RAPGEF5: variants seen among roughly 807,000 people sequenced by gnomAD.
RAPGEF5 encodes Rap guanine nucleotide exchange factor 5.
In RAPGEF5, 65 loss-of-function variants were observed where a neutral mutation model predicts 125.2. The ratio of observed to expected loss-of-function variants is 0.52; its 90% CI spans 0.43 to 0.64. RAPGEF5 has a LOEUF of 0.64. Among genes scored for constraint, RAPGEF5 ranks in the 30% least tolerant of loss-of-function variants. RAPGEF5 has a pLI of 0.00. For missense variants in RAPGEF5, 958 were observed against 1,048.1 expected, an observed-to-expected ratio of 0.91 and a Z score of 1.19; for synonymous variants, 391 against 385.9, an observed-to-expected ratio of 1.01 and a Z score of -0.16.
intron 7 of RAPGEF5, among the ~76,000 whole-genome samples, chr7:22,232,313 G>A (rs2057987): frequency 0.59 from 86,811 of 148,132 alleles, 25,594 homozygotes; most frequent in East Asian, 0.84. Context: ...TATTCTGTGT[G>A]CTTTTTTTTT....
chr7:22,125,803 G>C (rs17146285), intron 24 of RAPGEF5, 145 bp from the exon 25 acceptor site: 13 of 742,068 alleles, frequency 1.8e-5, no homozygotes, highest in Middle Eastern at 2.4e-4. Context: ...ATGTAGCTTT[G>C]ATTCTATGGA....
chr7:22,158,706 GC>G (rs11339629), intron 14 of RAPGEF5, among the ~76,000 whole-genome samples: 148,546 of 152,120 alleles, frequency 0.98, 72,536 homozygotes, highest in East Asian at 0.99. Context: ...CTTCACTGCA[GC>G]CTTGACCTCC....
chr7:22,138,190 C>T (rs1018607651), intron 21 of RAPGEF5, among the ~76,000 whole-genome samples: 6 of 152,156 alleles, frequency 3.9e-5, no homozygotes, highest in Non-Finnish European at 7.3e-5. Context: ...ACCTCAAACC[C>T]AACATGTCCG....
rs1273085310 is a variant in RAPGEF5, at chr7:22,237,436, T to C, written c.797-6517A>G. On this transcript the variant is annotated intron_variant, in intron 7 of 25. Transcript: ENST00000665637. ...GCTTGAGACTTATATTTGTTTTATC[T>C]GAGTTCTTTCCTCAGGAAACAACCT... Among the ~76,000 whole-genome samples the C allele has an allele frequency of 6.1e-5, 9 of 148,066 alleles. No individual in the cohort carries two copies. The East Asian group carries it at 1.8e-3, about 29-fold the overall frequency.
chr7:22,135,565 C>T (rs1783054778), intron 23 of RAPGEF5, among the ~76,000 whole-genome samples: 1 of 152,148 alleles, frequency 6.6e-6, no homozygotes, highest in Admixed American at 6.5e-5. Context: ...TACACTTCTC[C>T]ATCAACACTT....
rs980236969 is a variant in RAPGEF5, at chr7:22,121,124, A to G, written c.*1282T>C. The G allele has an allele frequency of 1.3e-5, 2 of 151,922 alleles. No homozygotes were observed. Among genetic ancestry groups the G allele is most frequent in the Admixed American group, 6.6e-5 (1 of 15,246 alleles). 9.4% of individuals were successfully genotyped at this position (151,922 alleles called of 1,614,324 possible). Reference sequence around the variant, plus strand: ...TTTTGTTCATGTGAAGGTTGAAAGAAATCCTCTAACCAGTCCTTGAAAATA... The same window carrying G: ...TTTTGTTCATGTGAAGGTTGAAAGAGATCCTCTAACCAGTCCTTGAAAATA... On this transcript the variant is annotated 3_prime_UTR_variant, in exon 26 of 26. Transcript: ENST00000665637.
intron 7 of RAPGEF5, among the ~76,000 whole-genome samples, chr7:22,256,747 T>C (rs752320408): frequency 6.6e-6 from 1 of 152,122 alleles, no homozygotes. Flanking sequence ...TTGGATTCCC[T>C]GGAAAAGGGA....
At chr7:22,156,949 G>A in intron 15 of RAPGEF5, 61 bp from the exon 16 acceptor site, 5 of 1,602,198 alleles carry the variant, frequency 3.1e-6, no homozygotes, top group Non-Finnish European at 4.3e-6. Flanking sequence ...GAAAACCATA[G>A]CTGTTTACAA....
At chr7:22,307,030 T>C (rs1295068323) in intron 5 of RAPGEF5, among the ~76,000 whole-genome samples, 1 of 152,226 alleles carries the variant, frequency 6.6e-6, no homozygotes, top group Non-Finnish European at 1.5e-5. Context: ...GCCTTGGCTA[T>C]TCCGGATCTT....
rs910096748 is a variant in RAPGEF5, at chr7:22,263,586, C to T, written c.796+3378G>A. On this transcript the variant is annotated intron_variant, in intron 7 of 25. Coordinates refer to ENST00000665637, the MANE Select transcript of RAPGEF5 (RefSeq NM_012294.5). The stretch of plus-strand genomic sequence containing the variant: ...CTCTACTAAAAATACAAAAATTAGC[C>T]GGGTGTGGTGGTACATGCCTGTATT... Among the ~76,000 whole-genome samples the T allele has an allele frequency of 7.3e-5, 11 of 151,568 alleles. No individual in the cohort carries two copies. The East Asian group carries it at 9.7e-4, about 13-fold the overall frequency.
intron 18 of RAPGEF5, among the ~76,000 whole-genome samples, chr7:22,147,442 A>T (rs1482304531): frequency 6.6e-6 from 1 of 152,254 alleles, no homozygotes; most frequent in Non-Finnish European, 1.5e-5. Context: ...ATAAAGACAG[A>T]CATGGCGTTT....
At chr7:22,190,351 A>G (rs935117249) in intron 11 of RAPGEF5, among the ~76,000 whole-genome samples, 2 of 152,108 alleles carry the variant, frequency 1.3e-5, no homozygotes, top group Non-Finnish European at 2.9e-5. Context: ...TGCGCCTTTC[A>G]CTACAAAGGA....
rs143971076 is a variant in RAPGEF5 at position 22,317,754 on chromosome 7, G to A, written c.282+233C>T. On this transcript the variant is annotated intron_variant, in intron 2 of 25. Coordinates refer to ENST00000665637, the MANE Select transcript of RAPGEF5 (RefSeq NM_012294.5). ...TTCATGTAAAGAACCTGGAAGATGG[G>A]AAAATAATTTTTTTCCCTAGTTCGT... is the stretch of plus-strand genomic sequence containing the variant. 3.3e-3 allele frequency among the ~76,000 whole-genome samples: 497 copies of A among 152,272 alleles called. 4 individuals carry two copies. The highest frequency in any genetic ancestry group is 0.012 in the African/African-American group (483 of 41,548).
intron 3 of RAPGEF5, among the ~76,000 whole-genome samples, chr7:22,313,476 A>C (rs909199409): frequency 4.6e-5 from 7 of 152,204 alleles, no homozygotes; most frequent in Non-Finnish European, 8.8e-5. Flanking sequence ...TAAACCCAGA[A>C]TATTAATGAG....
intron 7 of RAPGEF5, among the ~76,000 whole-genome samples, chr7:22,252,837 T>C (rs1786658526): frequency 2.0e-5 from 3 of 152,216 alleles, no homozygotes; most frequent in Admixed American, 1.3e-4. Context: ...ATTCCTGGGC[T>C]TTACCAGTGC....
chr7:22,156,975 C>T (rs926496736), intron 15 of RAPGEF5, 87 bp from the exon 16 acceptor site: 6 of 1,539,772 alleles, frequency 3.9e-6, no homozygotes, highest in Non-Finnish European at 5.3e-6. Flanking sequence ...TCCAAAAGAA[C>T]TAGCCAAATT....
intron 12 of RAPGEF5, 140 bp downstream of exon 12, chr7:22,166,930 T>C (rs976135446): frequency 8.8e-6 from 6 of 681,808 alleles, no homozygotes; most frequent in African/African-American, 7.2e-5. Context: ...ATCTTCTACC[T>C]TGGATATCAT....
At chr7:22,236,717 G>A (rs1438374084) in intron 7 of RAPGEF5, among the ~76,000 whole-genome samples, 1 of 152,090 alleles carries the variant, frequency 6.6e-6, no homozygotes, top group African/African-American at 2.4e-5. Context: ...CCACACAATT[G>A]CCGGAGTTCC....
intron 12 of RAPGEF5, among the ~76,000 whole-genome samples, chr7:22,163,482 T>C (rs1371275194): frequency 1.3e-5 from 2 of 152,222 alleles, no homozygotes; most frequent in Non-Finnish European, 2.9e-5. Flanking sequence ...ATATGATTAA[T>C]GTCACTATCT....
Sources: allele counts gnomAD v4.1 joint callset (sites outside exome capture counted in the v4.1 genomes callset), GRCh38; gene constraint gnomAD v4.1.1; transcripts MANE v1.5; gene names NCBI Gene and HGNC (gene_info 2026-07-23, HGNC 2026-07-21).